SPARCL1: variants seen among roughly 807,000 people sequenced by gnomAD.
The protein encoded by SPARCL1 is SPARC like 1.
Under a neutral mutation model 67.1 loss-of-function variants are expected in SPARCL1, and 52 were observed. That is an observed-to-expected ratio of 0.78 (90% CI 0.62 to 0.98). SPARCL1 has a LOEUF of 0.98. Among genes scored for constraint, SPARCL1 ranks in the 50% least tolerant of loss-of-function variants. SPARCL1 has a pLI of 0.00. For synonymous variants in SPARCL1, 226 were observed against 267.8 expected (o/e 0.84, Z 1.52); for missense variants, 717 against 782.4 (o/e 0.92, Z 1.00).
chr4:87,491,183 A>T (rs1415792353), intron 5 of SPARCL1, among the ~76,000 whole-genome samples: 2 of 152,254 alleles, frequency 1.3e-5, no homozygotes. Context: ...AGATGGTCAT[A>T]GTCTGAAGTC....
chr4:87,515,074 C>G (rs1374968799), intron 1 of SPARCL1, among the ~76,000 whole-genome samples: 4 of 152,152 alleles, frequency 2.6e-5, no homozygotes, highest in Admixed American at 2.6e-4. Flanking sequence ...TTTTGGAATT[C>G]ACAGAATTAT....
rs755322352 is a variant in SPARCL1, at chr4:87,494,340, G to T, written c.460C>A (p.Gln154Lys). 1 of 1,614,084 alleles carries T rather than the reference G, an allele frequency of 6.2e-7. No homozygotes were observed. Among genetic ancestry groups the T allele is most frequent in the Non-Finnish European group, 8.5e-7 (1 of 1,180,024 alleles). ...GVSSFTDSNQ[Q>K]ESITKREENQ... ...TCCTCTCTCTTTGTGATACTTTCTT[G>T]TTGGTTAGAATCTGTGAAGGAACTA... is the stretch of plus-strand genomic sequence containing the variant. The change falls in exon 4 of 11, where the codon CAA becomes AAA. Residue 154 changes from glutamine to lysine, a missense_variant. Transcript: ENST00000282470.
At chr4:87,522,761 C>T (rs1334569679) in intron 1 of SPARCL1, among the ~76,000 whole-genome samples, 1 of 151,796 alleles carries the variant, frequency 6.6e-6, no homozygotes, top group Non-Finnish European at 1.5e-5. Flanking sequence ...GGTCAGGATC[C>T]TTATATACTC....
intron 1 of SPARCL1, among the ~76,000 whole-genome samples, chr4:87,507,003 T>A (rs1725113395): frequency 6.6e-6 from 1 of 152,194 alleles, no homozygotes; most frequent in South Asian, 2.1e-4. Context: ...TCCTGATAAG[T>A]TAAGTTGTGA....
At chr4:87,497,692 T>A (rs1560820918) in intron 2 of SPARCL1, among the ~76,000 whole-genome samples, 1 of 152,230 alleles carries the variant, frequency 6.6e-6, no homozygotes, top group Non-Finnish European at 1.5e-5. Flanking sequence ...GATATCAAAT[T>A]GTCCCAGAAA....
chr4:87,514,376 A>C (rs1725499674), intron 1 of SPARCL1, among the ~76,000 whole-genome samples: 2 of 152,198 alleles, frequency 1.3e-5, no homozygotes, highest in South Asian at 4.1e-4. Context: ...CCACTTGTGC[A>C]GGCTTTTTGA....
At chr4:87,487,090 A>T (rs767259491) in intron 7 of SPARCL1, among the ~76,000 whole-genome samples, 3 of 151,476 alleles carry the variant, frequency 2.0e-5, no homozygotes, top group Non-Finnish European at 4.4e-5. Context: ...TAGCCCGTTT[A>T]CATTTAAAAT....
At chr4:87,477,748 C>T (rs1336494348) in intron 10 of SPARCL1, among the ~76,000 whole-genome samples, 8 of 152,118 alleles carry the variant, frequency 5.3e-5, no homozygotes, top group African/African-American at 1.9e-4. Flanking sequence ...TTGACCACAA[C>T]CTAATGAGAG....
At chr4:87,476,473 A>G (rs1416310951) in intron 10 of SPARCL1, among the ~76,000 whole-genome samples, 1 of 152,180 alleles carries the variant, frequency 6.6e-6, no homozygotes, top group African/African-American at 2.4e-5. Flanking sequence ...CAATGTAACC[A>G]GGAGAATCCA....
chr4:87,521,095 A>G (rs1045921975), intron 1 of SPARCL1, among the ~76,000 whole-genome samples: 8 of 152,160 alleles, frequency 5.3e-5, no homozygotes, highest in Non-Finnish European at 8.8e-5. Flanking sequence ...TTTCTATGAT[A>G]TTTCCTAGAA....
intron 7 of SPARCL1, 90 bp downstream of exon 7, chr4:87,490,183 T>C (rs776367204): frequency 2.0e-4 from 278 of 1,359,296 alleles, no homozygotes; most frequent in Admixed American, 1.0e-3. Flanking sequence ...CATCAGCTTT[T>C]CCCTGTTTGC....
At chr4:87,507,662 C>G (rs929692858) in intron 1 of SPARCL1, among the ~76,000 whole-genome samples, 2 of 152,200 alleles carry the variant, frequency 1.3e-5, no homozygotes, top group Admixed American at 6.5e-5. Context: ...AACTCTGCAG[C>G]AGGCACCAGC....
At chr4:87,495,229 C>T in intron 2 of SPARCL1, 102 bp from the exon 3 acceptor site, 1 of 901,888 alleles carries the variant, frequency 1.1e-6, no homozygotes, top group Non-Finnish European at 1.7e-6. Flanking sequence ...CAATATACTT[C>T]ATTTATACCA....
chr4:87,521,962 A>G (rs899585631), intron 1 of SPARCL1, among the ~76,000 whole-genome samples: 15 of 152,250 alleles, frequency 9.9e-5, no homozygotes, highest in Admixed American at 2.6e-4. Context: ...CTTTATAAAC[A>G]GACTCAGAAC....
rs988616956 is a variant in SPARCL1 at position 87,519,289 on chromosome 4, C to A, written c.-12+9756G>T. Among the ~76,000 whole-genome samples the A allele has an allele frequency of 1.1e-4, 17 of 152,248 alleles. No individual in the cohort carries two copies. The East Asian group carries it at 3.3e-3, about 29-fold the overall frequency. On this transcript the variant is annotated intron_variant, in intron 1 of 10. Transcript: ENST00000282470. ...TTTTCACCATGTTGGTCAGGCTGGTCTTGAACTCCTGACCTCAAGTGATCC... is the reference window on the plus strand; with the variant it reads ...TTTTCACCATGTTGGTCAGGCTGGTATTGAACTCCTGACCTCAAGTGATCC...
chr4:87,497,948 G>A (rs1439896257), intron 2 of SPARCL1, among the ~76,000 whole-genome samples: 1 of 152,022 alleles, frequency 6.6e-6, no homozygotes, highest in African/African-American at 2.4e-5. Flanking sequence ...TTGTAGAGAC[G>A]TGGCCTCACT....
At chr4:87,504,135 TTGTGTGTGTGTGTGTGTGTGTGTG>T in intron 1 of SPARCL1, among the ~76,000 whole-genome samples, 1 of 30,934 alleles carries the variant, frequency 3.2e-5, no homozygotes, top group East Asian at 8.6e-4. Context: ...TGATTTGGTA[TTGTGTGTGTGTGTGTGTGTGTGTG>T]TGTGTGTGTG....
chr4:87,511,967 C>CTT (rs3037337), intron 1 of SPARCL1, among the ~76,000 whole-genome samples: 14 of 121,540 alleles, frequency 1.2e-4, no homozygotes, highest in Admixed American at 2.6e-4. Flanking sequence ...CTTTCTTTCT[C>CTT]TTTTTTTTTT....
intron 8 of SPARCL1, among the ~76,000 whole-genome samples, chr4:87,482,056 A>G (rs1024026745): frequency 6.6e-6 from 1 of 152,234 alleles, no homozygotes; most frequent in Non-Finnish European, 1.5e-5. Flanking sequence ...TTTACTTTAT[A>G]TCATACATCT....
Sources: allele counts gnomAD v4.1 joint callset (sites outside exome capture counted in the v4.1 genomes callset), GRCh38; gene constraint gnomAD v4.1.1; transcripts MANE v1.5; gene names NCBI Gene and HGNC (gene_info 2026-07-23, HGNC 2026-07-21).